Variants in PRSS37 observed in about 807,000 individuals in gnomAD.
PRSS37 encodes serine protease 37.
PRSS37 carries 25 observed loss-of-function variants against 28.0 expected under a neutral mutation model. The observed-to-expected ratio is 0.89, with a 90% confidence interval of 0.65 to 1.25. PRSS37 has a LOEUF of 1.25. Among genes scored for constraint, PRSS37 ranks in the 50% most tolerant of loss-of-function variants. The probability of loss-of-function intolerance (pLI) is 0.00; values close to 1 mark genes in which losing one functional copy is unlikely to be tolerated. For synonymous variants in PRSS37, 109 were observed against 107.8 expected (o/e 1.01, Z -0.07); for missense variants, 282 against 292.2 (o/e 0.97, Z 0.25).
chr7:141,836,636 G>T, intron 4 of PRSS37, 101 bp from the exon 5 acceptor site: 1 of 1,294,338 alleles, frequency 7.7e-7, no homozygotes, highest in Non-Finnish European at 1.1e-6. Context: ...CTGTCTGCAG[G>T]CATATGCTGG....
chr7:141,840,090 A>C (rs1434229473), intron 1 of PRSS37, among the ~76,000 whole-genome samples: 1 of 152,234 alleles, frequency 6.6e-6, no homozygotes, highest in East Asian at 1.9e-4. Flanking sequence ...AAAACAAATA[A>C]ATAAAAACAT....
At chr7:141,840,989 A>G in intron 1 of PRSS37, 27 bp downstream of exon 1, 1 of 1,611,510 alleles carries the variant, frequency 6.2e-7, no homozygotes, top group East Asian at 2.2e-5. Flanking sequence ...GCCTTACAGG[A>G]CAGAGTACAA....
chr7:141,837,598 G>A (rs1230400347), intron 3 of PRSS37: 1 of 1,509,572 alleles, frequency 6.6e-7, no homozygotes, highest in East Asian at 2.6e-5. Context: ...AATCAGGAAT[G>A]GCTGGGCCTC....
At chr7:141,837,594 G>T in intron 3 of PRSS37, 1 of 1,508,560 alleles carries the variant, frequency 6.6e-7, no homozygotes, top group South Asian at 1.2e-5. Flanking sequence ...TGCCAATCAG[G>T]AATGGCTGGG....
Position 141,841,181 on chromosome 7 carries a change from A to T in PRSS37, c.-132T>A. ...GTTAGATACGGAGGCACTCCATGGG[A>T]TTGGAAAGCAGCTCTGGGCATAAAC... On this transcript the variant is annotated 5_prime_UTR_variant, in exon 1 of 5. Coordinates refer to ENST00000350549, the MANE Select transcript of PRSS37 (RefSeq NM_001008270.3). 6.6e-7 allele frequency: 1 copy of T among 1,521,158 alleles called. No individual in the cohort carries two copies. Among genetic ancestry groups the T allele is most frequent in the Non-Finnish European group, 8.8e-7 (1 of 1,130,274 alleles). The allele number at this position is 1,521,158 out of a possible 1,614,324, so 94.2% of individuals were successfully genotyped here. A position where few individuals can be genotyped will look rare whatever the true frequency, so the allele number is the denominator to read the frequency against.
chr7:141,837,704 C>T, intron 3 of PRSS37, 156 bp downstream of exon 3: 2 of 1,538,594 alleles, frequency 1.3e-6, no homozygotes, highest in Non-Finnish European at 1.8e-6. Context: ...CTTTGTTCCT[C>T]TGGGCAGGTC....
intron 2 of PRSS37, 131 bp from the exon 3 acceptor site, chr7:141,838,244 T>G (rs530365338): frequency 1.3e-6 from 2 of 1,486,604 alleles, no homozygotes; most frequent in South Asian, 2.6e-5. Context: ...ACAACAAGTC[T>G]ATGCAGTGGA....
At position 141,838,029 on chromosome 7, in the gene PRSS37, G is replaced by A. The variant is rs780039733; in HGVS notation, c.261C>T (p.Arg87=). ...EQTINPIQIV[R]YWNYSHSAPQ... ...GGGCGCTATGACTGTAGTTCCAGTA[G>A]CGGACGATCTGAATGGGGTTAATTG... The change falls in exon 3 of 5, where the codon CGC becomes CGT. Residue 87 remains arginine (R), a synonymous_variant. Coordinates refer to ENST00000350549, the MANE Select transcript of PRSS37 (RefSeq NM_001008270.3). 4.3e-6 allele frequency: 7 copies of A among 1,614,030 alleles called. No homozygotes were observed. The African/African-American group carries it at 6.7e-5, about 15-fold the overall frequency.
At chr7:141,839,223 A>G (rs961154174) in intron 2 of PRSS37, 115 bp downstream of exon 2, 4 of 1,135,562 alleles carry the variant, frequency 3.5e-6, no homozygotes, top group Non-Finnish European at 5.0e-6. Flanking sequence ...TGACAACCAA[A>G]AATATCTTCA....
rs922689635 is a variant in PRSS37, at chr7:141,841,161, A to G, written c.-112T>C. 3.8e-6 allele frequency: 6 copies of G among 1,568,166 alleles called. No individual in the cohort carries two copies. Among genetic ancestry groups the G allele is most frequent in the Admixed American group, 1.8e-5 (1 of 56,160 alleles). On this transcript the variant is annotated 5_prime_UTR_variant, in exon 1 of 5. Transcript: ENST00000350549. ...TGGTAGACTCAGTGGCTATGGTTAG[A>G]TACGGAGGCACTCCATGGGATTGGA... is the stretch of plus-strand genomic sequence containing the variant.
rs10657416 is a variant in PRSS37, at chr7:141,836,551, CAGAGAGAGAGAG to C, written c.568-28_568-17del. The C allele has an allele frequency of 1.9e-6, 3 of 1,556,632 alleles. No homozygotes were observed. The highest frequency in any genetic ancestry group is 1.4e-5 in the African/African-American group (1 of 73,010). On this transcript the variant is annotated splice_polypyrimidine_tract_variant and intron_variant, in intron 4 of 4. Transcript: ENST00000350549. ...CGGCCACCTCCTACCGGAGATCATG[CAGAGAGAGAGAG>C]AGAGAGAGAGTAAGAGTGTCAGATC...
chr7:141,839,021 A>G lies in PRSS37; in HGVS notation c.176+317T>C, dbSNP rs376526339. 7.8e-6 allele frequency: 4 copies of G among 513,748 alleles called. 1 individual carries two copies. Among genetic ancestry groups the G allele is most frequent in the African/African-American group, 3.8e-5 (2 of 52,170 alleles). The allele number at this position is 513,748 out of a possible 1,614,324, so 31.8% of individuals were successfully genotyped here. A position where few individuals can be genotyped will look rare whatever the true frequency, so the allele number is the denominator to read the frequency against. On this transcript the variant is annotated intron_variant, in intron 2 of 4. Transcript: ENST00000350549. ...GCATTCATACTGCCAGTAAAAAAAAAAAAAGAAAAAAACTTATGAGAGTCT... is the reference window on the plus strand; with the variant it reads ...GCATTCATACTGCCAGTAAAAAAAAGAAAAGAAAAAAACTTATGAGAGTCT...
In PRSS37 at chr7:141,841,475, T is replaced by A. The variant is rs1801147382; in HGVS notation, c.-426A>T. The A allele has an allele frequency of 5.2e-6, 1 of 192,934 alleles. No homozygotes were observed. The highest frequency in any genetic ancestry group is 1.1e-4 in the South Asian group (1 of 9,384). 12.0% of individuals were successfully genotyped at this position (192,934 alleles called of 1,614,324 possible). On this transcript the variant is annotated 5_prime_UTR_variant, in exon 1 of 5. Transcript: ENST00000350549. ...TTTACCTTAGCTCAGGGAGTAAGTG[T>A]CCTGAGGTTTGCTCTGAACCTCCTA...
rs774071320 is a variant in PRSS37 at position 141,841,089 on chromosome 7, T to A, written c.-40A>T. The A allele has an allele frequency of 8.1e-6, 13 of 1,612,540 alleles. No individual in the cohort carries two copies. The highest frequency in any genetic ancestry group is 1.6e-4 in the Middle Eastern group (1 of 6,076). On this transcript the variant is annotated 5_prime_UTR_variant, in exon 1 of 5. Coordinates refer to ENST00000350549, the MANE Select transcript of PRSS37 (RefSeq NM_001008270.3). ...TCCCCCTGTGAGATGTAGAAGAAAA[T>A]CAGCAGAGTGTGGAGCGGTTGGCTT...
intron 2 of PRSS37, chr7:141,838,933 C>T (rs1370816597): frequency 6.6e-6 from 3 of 456,752 alleles, no homozygotes; most frequent in African/African-American, 2.0e-5. Flanking sequence ...TCTTAAAACT[C>T]ACCTCAATTG....
chr7:141,836,610 C>G, intron 4 of PRSS37, 75 bp from the exon 5 acceptor site: 1 of 1,532,122 alleles, frequency 6.5e-7, no homozygotes, highest in South Asian at 1.2e-5. Context: ...ACCCTAGTGT[C>G]CCGCTTGGGT....
At position 141,838,696 on chromosome 7, in the gene PRSS37, A is replaced by C. The variant is rs955052920; in HGVS notation, c.177-583T>G. 2.0e-5 allele frequency: 5 copies of C among 249,620 alleles called. No homozygotes were observed. In the Admixed American group the frequency reaches 2.5e-4, roughly 12 times the overall value. The allele number at this position is 249,620 out of a possible 1,614,324, so 15.5% of individuals were successfully genotyped here. Reference sequence around the variant, plus strand: ...AGGTCCCTCCCTGCAGTTTTGTCACAGAGTGGCTGTGCTCCTTGACTAGGG... The same window carrying C: ...AGGTCCCTCCCTGCAGTTTTGTCACCGAGTGGCTGTGCTCCTTGACTAGGG... On this transcript the variant is annotated intron_variant, in intron 2 of 4. Transcript: ENST00000350549.
Position 141,837,122 on chromosome 7 carries a change from C to A in PRSS37, c.557G>T (p.Arg186Leu), listed in dbSNP as rs766210306. The change falls in exon 4 of 5, where the codon CGA (arginine) becomes CTA (leucine). Residue 186 changes from arginine to leucine, a missense_variant. Transcript: ENST00000350549. The part of the protein sequence containing the change: ...LCVKFVKVFS[R>L]IFGEVAVATV... ...TAGAGATAAGATTACCCCAAAAATT[C>A]GGCTGAATACTTTCACAAATTTCAC... 3 of 1,611,776 alleles carry A rather than the reference C, an allele frequency of 1.9e-6. No individual in the cohort carries two copies. In the African/African-American group the frequency reaches 4.0e-5, roughly 22 times the overall value.
At chr7:141,836,951 T>G (rs1262873978) in intron 4 of PRSS37, among the ~76,000 whole-genome samples, 161 bp downstream of exon 4, 1 of 152,196 alleles carries the variant, frequency 6.6e-6, no homozygotes, top group Non-Finnish European at 1.5e-5. Context: ...TAAAGACAAT[T>G]TAAGGGGATC....
Sources: gnomAD v4.1 joint callset for allele counts (sites outside exome capture counted in the v4.1 genomes callset) on GRCh38, gnomAD v4.1.1 for gene constraint, MANE v1.5 for transcripts, NCBI Gene and HGNC (gene_info 2026-07-23, HGNC 2026-07-21) for gene names.